Variants in TP63 observed in about 807,000 individuals in gnomAD.
TP63 encodes tumor protein 63.
TP63 carries 17 observed loss-of-function variants against 82.8 expected under a neutral mutation model. The ratio of observed to expected loss-of-function variants is 0.21; its 90% CI spans 0.14 to 0.31. The LOEUF is 0.31. Among genes scored for constraint, TP63 ranks in the 10% least tolerant of loss-of-function variants. The pLI, the probability that TP63 is intolerant of heterozygous loss-of-function variation, is 1.00. For synonymous variants in TP63, 330 were observed against 321.7 expected (o/e 1.03, Z -0.28); for missense variants, 648 against 895.3 (o/e 0.72, Z 3.52).
chr3:189,882,869 A>G lies in TP63; in HGVS notation c.1350-3525A>G, dbSNP rs183697869. Among the ~76,000 whole-genome samples the G allele has an allele frequency of 3.9e-5, 6 of 152,324 alleles. No individual in the cohort carries two copies. In the East Asian group the frequency reaches 7.7e-4, roughly 20 times the overall value. On this transcript the variant is annotated intron_variant, in intron 10 of 13. Coordinates refer to ENST00000264731, the MANE Select transcript of TP63 (RefSeq NM_003722.5). ...TATATTGTTAAAGTTAAGAACTGGG[A>G]CTTGGCTCCACCAGGATTTTTCTTC...
intron 1 of TP63, among the ~76,000 whole-genome samples, chr3:189,676,718 C>G (rs988904018): frequency 2.0e-5 from 3 of 151,990 alleles, no homozygotes; most frequent in African/African-American, 4.8e-5. Context: ...GAATCCCCAG[C>G]CCCCTGCCCA....
the TP63 span, among the ~76,000 whole-genome samples, chr3:189,614,586 G>A: frequency 4.6e-5 from 7 of 152,076 alleles, no homozygotes; most frequent in Non-Finnish European, 1.0e-4. Flanking sequence ...CTTGTAAGAC[G>A]TCCTATGTAT....
At chr3:189,677,433 C>CAT (rs973392531) in intron 1 of TP63, among the ~76,000 whole-genome samples, 4 of 130,660 alleles carry the variant, frequency 3.1e-5, no homozygotes, top group African/African-American at 5.3e-5. Context: ...TACATATATA[C>CAT]ATATATATAT....
intron 1 of TP63, among the ~76,000 whole-genome samples, chr3:189,704,039 T>C (rs75106747): frequency 2.6e-5 from 4 of 152,212 alleles, no homozygotes; most frequent in Non-Finnish European, 5.9e-5. Flanking sequence ...CCAGAGAACA[T>C]TTCTTTGGGT....
intron 1 of TP63, among the ~76,000 whole-genome samples, chr3:189,651,690 C>G (rs1359518503): frequency 2.0e-5 from 3 of 146,558 alleles, no homozygotes; most frequent in African/African-American, 5.1e-5. Flanking sequence ...CAGGGCACAT[C>G]AGAGACATTC....
chr3:189,824,357 C>G lies in TP63; in HGVS notation c.579+15831C>G, dbSNP rs373969923. 1.3e-4 allele frequency among the ~76,000 whole-genome samples: 20 copies of G among 152,136 alleles called. No homozygotes were observed. The South Asian group carries it at 3.7e-3, about 28-fold the overall frequency. ...GAGCCATTCTCCTGCCTCAGCCTCC[C>G]CAGTAGCTAGGACTACAGGTGCCTG... On this transcript the variant is annotated intron_variant, in intron 4 of 13. Coordinates refer to ENST00000264731, the MANE Select transcript of TP63 (RefSeq NM_003722.5).
In TP63 at chr3:189,802,132, T is replaced by G. The variant is rs567007075; in HGVS notation, c.325-6140T>G. On this transcript the variant is annotated intron_variant, in intron 3 of 13. Transcript: ENST00000264731. The stretch of plus-strand genomic sequence containing the variant: ...AGAAGACGAAAAAATGACAAGTATG[T>G]CTCCCTTAGGCAGTGCTTGTTGAAA... Among the ~76,000 whole-genome samples, 29 of 152,342 alleles carry G rather than the reference T, an allele frequency of 1.9e-4. 2 individuals carry two copies. In the South Asian group the frequency reaches 5.8e-3, roughly 30 times the overall value.
Position 189,869,325 on chromosome 3 carries a change from G to A in TP63, c.1131G>A (p.Pro377=), listed in dbSNP as rs775491637. Residue 377 remains proline, a splice_region_variant and synonymous_variant, in exon 9 of 14, where the codon CCG becomes CCA. Transcript: ENST00000264731. The part of the protein sequence containing the change: ...STKNGDGTKR[P]FRQNTHGIQM... Reference sequence around the variant, plus strand: ...AAACTTGCATTTTTCCTCCACCAGCGTTTCGTCAGAACACACATGGTATCC... The same window carrying A: ...AAACTTGCATTTTTCCTCCACCAGCATTTCGTCAGAACACACATGGTATCC... 3.0e-5 allele frequency: 48 copies of A among 1,613,862 alleles called. No homozygotes were observed. Among genetic ancestry groups the A allele is most frequent in the East Asian group, 1.3e-4 (6 of 44,882 alleles).
At chr3:189,711,771 G>A in intron 1 of TP63, among the ~76,000 whole-genome samples, 1 of 152,284 alleles carries the variant, frequency 6.6e-6, no homozygotes, top group African/African-American at 2.4e-5. Flanking sequence ...TTTCATGTGG[G>A]TATAATGTCT....
chr3:189,622,848 C>T, the TP63 span, among the ~76,000 whole-genome samples: 1 of 152,180 alleles, frequency 6.6e-6, no homozygotes, highest in Non-Finnish European at 1.5e-5. Context: ...TAGCCATCTA[C>T]TTCGCATGAC....
At chr3:189,808,751 T>C (rs1727212102) in intron 4 of TP63, among the ~76,000 whole-genome samples, 1 of 152,220 alleles carries the variant, frequency 6.6e-6, no homozygotes, top group African/African-American at 2.4e-5. Context: ...TCCTGGCAAC[T>C]TCAGTCAGTG....
At chr3:189,667,476 GC>G (rs1714505768) in intron 1 of TP63, among the ~76,000 whole-genome samples, 1 of 152,040 alleles carries the variant, frequency 6.6e-6, no homozygotes, top group Non-Finnish European at 1.5e-5. Context: ...TTTAAGAGTT[GC>G]TGAAGGAGGT....
intron 1 of TP63, among the ~76,000 whole-genome samples, chr3:189,703,364 T>G (rs1200052381): frequency 6.6e-6 from 1 of 151,748 alleles, no homozygotes; most frequent in Non-Finnish European, 1.5e-5. Flanking sequence ...AGGTGGAGAT[T>G]GTAGTGAGCC....
chr3:189,816,017 G>C (rs151329284), intron 4 of TP63, among the ~76,000 whole-genome samples: 6 of 152,164 alleles, frequency 3.9e-5, no homozygotes, highest in African/African-American at 1.4e-4. Flanking sequence ...TTTATTGTTT[G>C]TTTGTTCCTG....
chr3:189,704,073 A>G (rs1718021685), intron 1 of TP63, among the ~76,000 whole-genome samples: 2 of 152,278 alleles, frequency 1.3e-5, no homozygotes, highest in Admixed American at 6.5e-5. Context: ...ACTAGGCCAT[A>G]CATATCCTGT....
intron 10 of TP63, 26 bp downstream of exon 10, chr3:189,873,021 G>C (rs1718622132): frequency 6.2e-7 from 1 of 1,614,110 alleles, no homozygotes; most frequent in East Asian, 2.2e-5. Context: ...TGTCATTTTA[G>C]GAGGCATGAG....
Position 189,853,155 on chromosome 3 carries a change from G to A in TP63, c.580-11077G>A, listed in dbSNP as rs138300727. 4.3e-3 allele frequency among the ~76,000 whole-genome samples: 660 copies of A among 152,182 alleles called. 12 individuals carry two copies. Among genetic ancestry groups the A allele is most frequent in the East Asian group, 0.04 (208 of 5,184 alleles). On this transcript the variant is annotated intron_variant, in intron 4 of 13. Transcript: ENST00000264731. ...CTAAGCCACTCTCATCTTACACTTG[G>A]ATTATTGGCAGGAGCCCCCTGACTG...
intron 3 of TP63, among the ~76,000 whole-genome samples, chr3:189,740,974 A>T (rs1443981502): frequency 6.6e-6 from 1 of 152,178 alleles, no homozygotes; most frequent in Non-Finnish European, 1.5e-5. Flanking sequence ...TTTTCTCTAA[A>T]GTAGAACAGG....
chr3:189,779,717 G>A (rs896932335), intron 3 of TP63, among the ~76,000 whole-genome samples: 1 of 152,110 alleles, frequency 6.6e-6, no homozygotes, highest in Non-Finnish European at 1.5e-5. Context: ...ATAGTTTATT[G>A]TATGAACTTG....
Sources: gnomAD v4.1 joint callset for allele counts (sites outside exome capture counted in the v4.1 genomes callset) on GRCh38, gnomAD v4.1.1 for gene constraint, MANE v1.5 for transcripts, NCBI Gene and HGNC (gene_info 2026-07-23, HGNC 2026-07-21) for gene names.